Variants in LRGUK observed in about 807,000 individuals in gnomAD.
The protein encoded by LRGUK is leucine rich repeats and guanylate kinase domain containing, also known as leucine-rich repeat and guanylate kinase domain-containing protein.
Under a neutral mutation model 76.0 loss-of-function variants are expected in LRGUK, and 65 were observed. The observed-to-expected ratio is 0.85, with a 90% CI of 0.70 to 1.05. The LOEUF (loss-of-function observed/expected upper bound fraction) is 1.05, where lower values mean the gene tolerates loss of function less well. Ranked by LOEUF, LRGUK falls within the 50% of genes least tolerant of loss-of-function variation. The pLI is 0.00. For missense variants in LRGUK, 758 were observed against 732.8 expected, an observed-to-expected ratio of 1.03 and a Z score of -0.40; for synonymous variants, 268 against 265.6, an observed-to-expected ratio of 1.01 and a Z score of -0.09.
intron 16 of LRGUK, among the ~76,000 whole-genome samples, chr7:134,241,787 T>C (rs1379441586): frequency 1.3e-5 from 2 of 152,126 alleles, no homozygotes; most frequent in African/African-American, 4.8e-5. Flanking sequence ...TATTCCAAAA[T>C]TGAACACATA....
intron 15 of LRGUK, among the ~76,000 whole-genome samples, chr7:134,216,248 AT>A (rs564468030): frequency 6.4e-4 from 97 of 152,316 alleles, no homozygotes; most frequent in African/African-American, 1.9e-3. Flanking sequence ...CAGCAAAAAA[AT>A]GTTTGCATTT....
intron 5 of LRGUK, among the ~76,000 whole-genome samples, chr7:134,154,927 T>G (rs902795525): frequency 1.5e-4 from 23 of 152,328 alleles, no homozygotes; most frequent in Admixed American, 1.5e-3. Flanking sequence ...CTGATATCTC[T>G]TGATAATTTC....
chr7:134,162,055 T>C (rs562999685), intron 6 of LRGUK, among the ~76,000 whole-genome samples: 26 of 152,282 alleles, frequency 1.7e-4, no homozygotes, highest in African/African-American at 4.8e-4. Context: ...GTCTTAAATC[T>C]TCGTTTTATT....
chr7:134,266,787 A>C (rs1802864705), downstream of LRGUK, among the ~76,000 whole-genome samples: 1 of 152,190 alleles, frequency 6.6e-6, no homozygotes, highest in African/African-American at 2.4e-5. Flanking sequence ...AAAACCTACA[A>C]ATCCAAGAAG....
chr7:134,244,316 T>A (rs939732509), intron 16 of LRGUK, among the ~76,000 whole-genome samples: 1 of 152,116 alleles, frequency 6.6e-6, no homozygotes, highest in African/African-American at 2.4e-5. Flanking sequence ...GACAAAGGAC[T>A]AATATCCAGA....
downstream of LRGUK, among the ~76,000 whole-genome samples, chr7:134,267,314 G>C (rs1303106883): frequency 6.6e-6 from 1 of 152,142 alleles, no homozygotes; most frequent in Non-Finnish European, 1.5e-5. Flanking sequence ...AAATAACTCA[G>C]AAACAAAATC....
intron 11 of LRGUK, 35 bp from the exon 12 acceptor site, chr7:134,191,620 A>C: frequency 7.5e-7 from 1 of 1,341,558 alleles, no homozygotes; most frequent in Non-Finnish European, 1.1e-6. Flanking sequence ...ATTTCAAGTT[A>C]GAAATGGACT....
chr7:134,146,186 A>G (rs1264799531), intron 4 of LRGUK, among the ~76,000 whole-genome samples: 1 of 152,040 alleles, frequency 6.6e-6, no homozygotes, highest in African/African-American at 2.4e-5. Context: ...AGGCAGGAGA[A>G]TCGCTTGAAC....
chr7:134,128,995 C>A (rs988438250), intron 1 of LRGUK, among the ~76,000 whole-genome samples: 28 of 151,300 alleles, frequency 1.9e-4, no homozygotes, highest in Admixed American at 7.9e-4. Context: ...GTATAAATTG[C>A]GTGAAATTCT....
intron 12 of LRGUK, among the ~76,000 whole-genome samples, chr7:134,195,946 C>A (rs1800465141): frequency 6.6e-6 from 1 of 152,110 alleles, no homozygotes; most frequent in Non-Finnish European, 1.5e-5. Flanking sequence ...AAAAGACACC[C>A]TACGCCTTCT....
chr7:134,263,926 G>T (rs745650603), exon 20 of LRGUK: 5 of 1,612,350 alleles, frequency 3.1e-6, no homozygotes, highest in African/African-American at 1.3e-5. Context: ...AGTCGCCCAG[G>T]TTCCAACGTC....
chr7:134,174,058 G>A (rs1251438110), intron 7 of LRGUK, among the ~76,000 whole-genome samples: 5 of 149,724 alleles, frequency 3.3e-5, no homozygotes, highest in African/African-American at 1.2e-4. Context: ...GCAGTGAGCC[G>A]AGATCACAGC....
At chr7:134,249,179 G>T in intron 18 of LRGUK, 103 bp downstream of exon 18, 2 of 1,290,700 alleles carry the variant, frequency 1.5e-6, no homozygotes, top group Non-Finnish European at 1.0e-6. Flanking sequence ...AAACTGGGAA[G>T]CAGGGCCCTA....
At chr7:134,275,883 A>G in the LRGUK span, among the ~76,000 whole-genome samples, 1 of 152,200 alleles carries the variant, frequency 6.6e-6, no homozygotes, top group African/African-American at 2.4e-5. Context: ...CACAAAAAGG[A>G]CAAGGATATT....
At chr7:134,190,039 A>C (rs1035522015) in intron 11 of LRGUK, among the ~76,000 whole-genome samples, 4 of 152,304 alleles carry the variant, frequency 2.6e-5, no homozygotes, top group Non-Finnish European at 5.9e-5. Context: ...ACAAGAATTG[A>C]CTTTTGAGTC....
At chr7:134,236,066 CTA>C (rs1253204567) in intron 16 of LRGUK, among the ~76,000 whole-genome samples, 2 of 152,194 alleles carry the variant, frequency 1.3e-5, no homozygotes, top group Non-Finnish European at 2.9e-5. Flanking sequence ...TATTTAAGTT[CTA>C]TGTTATCAAA....
chr7:134,127,925 C>T (rs1797088875), intron 1 of LRGUK, among the ~76,000 whole-genome samples: 1 of 151,948 alleles, frequency 6.6e-6, no homozygotes, highest in African/African-American at 2.4e-5. Context: ...GTTAACACAG[C>T]GTCACTTTGT....
At chr7:134,245,759 C>G (rs562065521) in intron 16 of LRGUK, among the ~76,000 whole-genome samples, 3 of 152,066 alleles carry the variant, frequency 2.0e-5, no homozygotes, top group Admixed American at 1.3e-4. Context: ...TAAAGTGATT[C>G]CCAGCAAATA....
the LRGUK span, among the ~76,000 whole-genome samples, chr7:134,272,654 A>T: frequency 3.2e-3 from 487 of 152,340 alleles, 3 homozygotes; most frequent in African/African-American, 0.011. Flanking sequence ...AGCCCTTATG[A>T]GTTGAATAAC....
Sources: allele counts gnomAD v4.1 joint callset (sites outside exome capture counted in the v4.1 genomes callset), GRCh38; gene constraint gnomAD v4.1.1; transcripts MANE v1.5; gene names NCBI Gene and HGNC (gene_info 2026-07-23, HGNC 2026-07-21).